FAT3: variants seen among roughly 807,000 people sequenced by gnomAD.
FAT3 encodes the protein protocadherin Fat 3.
In FAT3, 95 loss-of-function variants were observed where a neutral mutation model predicts 310.2. The ratio of observed to expected loss-of-function variants is 0.31; its 90% CI spans 0.26 to 0.36. The LOEUF (loss-of-function observed/expected upper bound fraction) is 0.36, where lower values mean the gene tolerates loss of function less well. Ranked by LOEUF, FAT3 falls within the 10% of genes least tolerant of loss-of-function variation. FAT3 has a pLI of 1.00. For missense variants in FAT3, 5,408 were observed against 5,715.6 expected (o/e 0.95, Z 1.74); for synonymous variants, 2,314 against 2,192.9 (o/e 1.06, Z -1.54).
chr11:92,548,225 G>T (rs1430896495), intron 3 of FAT3, among the ~76,000 whole-genome samples: 1 of 152,106 alleles, frequency 6.6e-6, no homozygotes, highest in Non-Finnish European at 1.5e-5. Flanking sequence ...CCTAAGCCTT[G>T]TTGTGCCCCT....
chr11:92,370,230 T>G (rs1177274571), intron 2 of FAT3, among the ~76,000 whole-genome samples: 2 of 152,242 alleles, frequency 1.3e-5, no homozygotes, highest in Non-Finnish European at 2.9e-5. Context: ...GAATCCATAA[T>G]TTCCATCCCT....
At chr11:92,825,504 A>G (rs1171168801) in intron 13 of FAT3, among the ~76,000 whole-genome samples, 1 of 152,214 alleles carries the variant, frequency 6.6e-6, no homozygotes, top group Non-Finnish European at 1.5e-5. Flanking sequence ...GACAAGAGAA[A>G]GAGGTAAGAG....
chr11:92,713,365 C>T (rs1944583599), intron 4 of FAT3, among the ~76,000 whole-genome samples: 1 of 152,204 alleles, frequency 6.6e-6, no homozygotes, highest in Admixed American at 6.5e-5. Flanking sequence ...ATTGTAGTTA[C>T]TTTCAAAGTT....
chr11:92,536,059 T>G (rs946557736), intron 3 of FAT3, among the ~76,000 whole-genome samples: 1 of 152,224 alleles, frequency 6.6e-6, no homozygotes, highest in Non-Finnish European at 1.5e-5. Flanking sequence ...GTTTTAGTAT[T>G]GTTACCACTT....
chr11:92,515,052 G>T (rs113948376), intron 2 of FAT3, among the ~76,000 whole-genome samples: 225 of 152,170 alleles, frequency 1.5e-3, no homozygotes, highest in Non-Finnish European at 2.6e-3. Flanking sequence ...TCTCTTCCAG[G>T]TCTGAGGGAG....
chr11:92,301,592 A>T (rs752450488), intron 1 of FAT3, among the ~76,000 whole-genome samples: 38 of 152,144 alleles, frequency 2.5e-4, no homozygotes, highest in Non-Finnish European at 5.0e-4. Context: ...TTGCTAGATG[A>T]CAAGTGCAGC....
At chr11:92,549,639 A>G (rs1003328787) in intron 3 of FAT3, among the ~76,000 whole-genome samples, 1 of 152,210 alleles carries the variant, frequency 6.6e-6, no homozygotes, top group Admixed American at 6.5e-5. Context: ...CTTAGCATTC[A>G]TTATTTAATG....
At chr11:92,409,770 C>G (rs759652525) in intron 2 of FAT3, among the ~76,000 whole-genome samples, 1 of 152,174 alleles carries the variant, frequency 6.6e-6, no homozygotes, top group Admixed American at 6.6e-5. Context: ...GTAGTGCTTA[C>G]AACTTAGAGT....
At chr11:92,324,679 C>T (rs533517831) in intron 1 of FAT3, among the ~76,000 whole-genome samples, 2 of 152,228 alleles carry the variant, frequency 1.3e-5, no homozygotes, top group Middle Eastern at 3.4e-3. Context: ...GATGTGAGAA[C>T]ATGCTGTTGG....
intron 1 of FAT3, among the ~76,000 whole-genome samples, chr11:92,339,786 C>G (rs1300588800): frequency 6.6e-6 from 1 of 152,028 alleles, no homozygotes; most frequent in Non-Finnish European, 1.5e-5. Flanking sequence ...GCCAGTGTCG[C>G]TGGAAAGCAG....
At chr11:92,511,174 G>A (rs1383140339) in intron 2 of FAT3, among the ~76,000 whole-genome samples, 1 of 152,182 alleles carries the variant, frequency 6.6e-6, no homozygotes, top group Non-Finnish European at 1.5e-5. Flanking sequence ...AGGTAGCAAA[G>A]GGAAAACCCA....
intron 3 of FAT3, among the ~76,000 whole-genome samples, chr11:92,549,818 G>T (rs911327560): frequency 1.3e-5 from 2 of 152,006 alleles, no homozygotes; most frequent in Non-Finnish European, 2.9e-5. Flanking sequence ...CTGTTTTTTT[G>T]TACAATACAC....
At chr11:92,644,992 CTG>C (rs1481188180) in intron 3 of FAT3, among the ~76,000 whole-genome samples, 1 of 152,128 alleles carries the variant, frequency 6.6e-6, no homozygotes, top group Non-Finnish European at 1.5e-5. Flanking sequence ...GCTTCCATGG[CTG>C]TCAGCACTTT....
intron 13 of FAT3, among the ~76,000 whole-genome samples, chr11:92,830,713 T>TTGGGGA (rs1948222803): frequency 6.6e-6 from 1 of 152,092 alleles, no homozygotes; most frequent in Non-Finnish European, 1.5e-5. Context: ...ACCTAGTCTT[T>TTGGGGA]CTGCAGCCCT....
chr11:92,719,418 C>A (rs555507515), intron 4 of FAT3, among the ~76,000 whole-genome samples: 34 of 152,030 alleles, frequency 2.2e-4, no homozygotes, highest in African/African-American at 8.2e-4. Flanking sequence ...TCCAAGAACC[C>A]CCTCAGATAC....
At position 92,353,390 on chromosome 11, in the gene FAT3, G is replaced by T. The variant is rs142726710; in HGVS notation, c.1278G>T (p.Ser426=). The T allele has an allele frequency of 6.8e-6, 11 of 1,613,314 alleles. No individual in the cohort carries two copies. Among genetic ancestry groups the T allele is most frequent in the Non-Finnish European group, 8.5e-6 (10 of 1,179,724 alleles). ...DAVYFKINPR[S]GLIVTARPLN... The stretch of plus-strand genomic sequence containing the variant: ...TGTACTTTAAAATTAATCCTCGGTC[G>T]GGTCTGATTGTTACAGCACGGCCAC... The change falls in exon 2 of 28, where the codon TCG becomes TCT. Residue 426 remains serine, a synonymous_variant. Coordinates refer to ENST00000525166, the MANE Select transcript of FAT3 (RefSeq NM_001367949.2).
chr11:92,336,419 G>T (rs1948084107), intron 1 of FAT3: 1 of 336,496 alleles, frequency 3.0e-6, no homozygotes, highest in Non-Finnish European at 5.8e-6. Context: ...CCCAGCGGAG[G>T]TGGGTGGCCA....
At chr11:92,304,232 G>A (rs1947067023) in intron 1 of FAT3, among the ~76,000 whole-genome samples, 1 of 152,090 alleles carries the variant, frequency 6.6e-6, no homozygotes, top group African/African-American at 2.4e-5. Flanking sequence ...ATGCATCAGG[G>A]TTCCTCCTGG....
chr11:92,260,437 A>T (rs1865500720), intron 1 of FAT3, among the ~76,000 whole-genome samples: 1 of 152,138 alleles, frequency 6.6e-6, no homozygotes, highest in Non-Finnish European at 1.5e-5. Flanking sequence ...AAGGCATGAA[A>T]TTGGAACTGA....
Sources: gnomAD v4.1 joint callset for allele counts (sites outside exome capture counted in the v4.1 genomes callset) on GRCh38, gnomAD v4.1.1 for gene constraint, MANE v1.5 for transcripts, NCBI Gene and HGNC (gene_info 2026-07-23, HGNC 2026-07-21) for gene names.